The following RASSF8 variants were observed in gnomAD, a reference collection of about 807,000 sequenced individuals.
The protein encoded by RASSF8 is Ras association domain family member 8, also known as ras association domain-containing protein 8.
In RASSF8, 22 loss-of-function variants were observed where a neutral mutation model predicts 48.5. The observed-to-expected ratio is 0.45, with a 90% CI of 0.32 to 0.65. The LOEUF (loss-of-function observed/expected upper bound fraction) is 0.65, where lower values mean the gene tolerates loss of function less well. RASSF8 is among the 30% of genes least tolerant of loss of function. RASSF8 has a pLI of 0.03. For synonymous variants in RASSF8, 127 were observed against 171.5 expected (o/e 0.74, Z 2.03); for missense variants, 418 against 489.2 (o/e 0.85, Z 1.37).
intron 1 of RASSF8, among the ~76,000 whole-genome samples, chr12:25,963,822 A>C (rs542053964): frequency 5.3e-4 from 81 of 152,318 alleles, no homozygotes; most frequent in Non-Finnish European, 8.8e-5. Flanking sequence ...TGAGTAGTTT[A>C]TCTGGTCAGA....
At chr12:26,036,241 T>A (rs530473241) in intron 2 of RASSF8, among the ~76,000 whole-genome samples, 1 of 152,070 alleles carries the variant, frequency 6.6e-6, no homozygotes, top group Admixed American at 6.6e-5. Context: ...TTTTTGTGAA[T>A]CATATCTTTA....
Position 26,068,923 on chromosome 12 carries a change from TG to T in RASSF8, c.*106del. 1 of 1,464,714 alleles carries T rather than the reference TG, an allele frequency of 6.8e-7. No individual in the cohort carries two copies. Among genetic ancestry groups the T allele is most frequent in the Non-Finnish European group, 9.0e-7 (1 of 1,109,534 alleles). The allele number at this position is 1,464,714 out of a possible 1,614,324, so 90.7% of individuals were successfully genotyped here. A position where few individuals can be genotyped will look rare whatever the true frequency, so the allele number is the denominator to read the frequency against. ...ACAGAGGATCTATTCCACAAGACGC[TG>T]TATGTTTTTTCTCTCCTAAATTGCA... On this transcript the variant is annotated 3_prime_UTR_variant, in exon 6 of 6. Transcript: ENST00000689635.
intron 1 of RASSF8, among the ~76,000 whole-genome samples, chr12:25,964,599 A>G (rs891065205): frequency 6.6e-6 from 1 of 152,192 alleles, no homozygotes; most frequent in South Asian, 2.1e-4. Flanking sequence ...CTATTGGAAA[A>G]TCGCTTAAGA....
In RASSF8 at chr12:26,072,461, A is replaced by C; in HGVS notation, c.*3643A>C. 1.0e-6 allele frequency: 1 copy of C among 966,402 alleles called. No individual in the cohort carries two copies. Among genetic ancestry groups the C allele is most frequent in the Non-Finnish European group, 1.2e-6 (1 of 812,634 alleles). 59.9% of individuals were successfully genotyped at this position (966,402 alleles called of 1,614,324 possible). A position where few individuals can be genotyped will look rare whatever the true frequency, so the allele number is the denominator to read the frequency against. On this transcript the variant is annotated 3_prime_UTR_variant, in exon 6 of 6. Coordinates refer to ENST00000689635, the MANE Select transcript of RASSF8 (RefSeq NM_001394098.1). ...ATTTTTAGAAACCAAATAAATGCAG[A>C]AAACTATTTCGTATACTAATTATAT...
chr12:26,043,049 A>G (rs1943299225), intron 2 of RASSF8, among the ~76,000 whole-genome samples: 1 of 152,118 alleles, frequency 6.6e-6, no homozygotes, highest in African/African-American at 2.4e-5. Context: ...TAGTGCCTAT[A>G]TTATTCGACA....
intron 2 of RASSF8, among the ~76,000 whole-genome samples, chr12:26,030,127 A>G (rs1942997230): frequency 6.6e-6 from 1 of 152,150 alleles, no homozygotes. Context: ...CTCAAAGTTG[A>G]TTTCAGTTCA....
At chr12:26,040,793 G>T (rs893858590) in intron 2 of RASSF8, among the ~76,000 whole-genome samples, 4 of 152,134 alleles carry the variant, frequency 2.6e-5, no homozygotes, top group Admixed American at 2.0e-4. Context: ...ATTCATATAG[G>T]ACTAACATGA....
At chr12:26,003,693 T>G (rs1942316493) in intron 2 of RASSF8, among the ~76,000 whole-genome samples, 1 of 152,126 alleles carries the variant, frequency 6.6e-6, no homozygotes, top group Non-Finnish European at 1.5e-5. Context: ...GTGGTAGAAC[T>G]ATAGGAAAAT....
rs1382470871 is a variant in RASSF8 at position 26,069,041 on chromosome 12, G to C, written c.*223G>C. The C allele has an allele frequency of 8.2e-7, 1 of 1,216,882 alleles. No individual in the cohort carries two copies. The highest frequency in any genetic ancestry group is 1.6e-5 in the African/African-American group (1 of 64,386). The allele number at this position is 1,216,882 out of a possible 1,614,324, so 75.4% of individuals were successfully genotyped here. On this transcript the variant is annotated 3_prime_UTR_variant, in exon 6 of 6. Coordinates refer to ENST00000689635, the MANE Select transcript of RASSF8 (RefSeq NM_001394098.1). ...ACAGTGTTGATATTTTTGTCCAGCA[G>C]CTATAATGCAAAGCCTTCGTTTTTA...
chr12:25,976,268 C>T (rs1358977948), intron 1 of RASSF8, among the ~76,000 whole-genome samples: 4 of 152,314 alleles, frequency 2.6e-5, no homozygotes, highest in Non-Finnish European at 5.9e-5. Flanking sequence ...TCCATTTGAC[C>T]TTTTCTGTCT....
intron 1 of RASSF8, among the ~76,000 whole-genome samples, chr12:25,960,597 C>G (rs573179214): frequency 1.3e-5 from 2 of 152,156 alleles, no homozygotes; most frequent in Admixed American, 1.3e-4. Context: ...TTATTCTATT[C>G]AAGGATCAAG....
At chr12:25,998,874 A>C (rs1202145498) in intron 2 of RASSF8, among the ~76,000 whole-genome samples, 1 of 152,160 alleles carries the variant, frequency 6.6e-6, no homozygotes, top group East Asian at 1.9e-4. Flanking sequence ...AAAATCAGAA[A>C]TCAGTTTACC....
intron 2 of RASSF8, among the ~76,000 whole-genome samples, chr12:26,001,616 A>C (rs1237570079): frequency 6.6e-6 from 1 of 152,114 alleles, no homozygotes; most frequent in Non-Finnish European, 1.5e-5. Context: ...ATTTTAGCCT[A>C]GGTCTACACA....
chr12:26,043,314 A>T (rs1471139401), intron 2 of RASSF8, among the ~76,000 whole-genome samples: 1 of 152,148 alleles, frequency 6.6e-6, no homozygotes, highest in African/African-American at 2.4e-5. Context: ...CAGCTCAGAG[A>T]TGCTTGGGAG....
intron 1 of RASSF8, among the ~76,000 whole-genome samples, chr12:25,979,875 G>GGAGT (rs1941697813): frequency 6.6e-6 from 1 of 152,282 alleles, no homozygotes; most frequent in South Asian, 2.1e-4. Context: ...AGCAGCACAG[G>GGAGT]GAGTGTTTCA....
rs570017838 is a variant in RASSF8 at position 25,962,788 on chromosome 12, C to T, written c.-203+3640C>T. ...AATTTGCTTTTCATGATAGAAAAGCCAGACCCACACTTTTCTATATTCCTT... is the reference window on the plus strand; with the variant it reads ...AATTTGCTTTTCATGATAGAAAAGCTAGACCCACACTTTTCTATATTCCTT... On this transcript the variant is annotated intron_variant, in intron 1 of 5. Coordinates refer to ENST00000689635, the MANE Select transcript of RASSF8 (RefSeq NM_001394098.1). 5.9e-5 allele frequency among the ~76,000 whole-genome samples: 9 copies of T among 152,182 alleles called. No individual in the cohort carries two copies. In the South Asian group the frequency reaches 1.9e-3, roughly 32 times the overall value.
At position 25,997,465 on chromosome 12, in the gene RASSF8, A is replaced by ATG. The variant is rs1041276838; in HGVS notation, c.-109+2346_-109+2347dup. ...ATTTTATATTTTAAAGGGTGTGTGT[A>ATG]TGTGTGTGTGTGAGTGTATGTGTTT... On this transcript the variant is annotated intron_variant, in intron 2 of 5. Coordinates refer to ENST00000689635, the MANE Select transcript of RASSF8 (RefSeq NM_001394098.1). Among the ~76,000 whole-genome samples, 408 of 151,896 alleles carry ATG rather than the reference A, an allele frequency of 2.7e-3. 1 individual carries two copies. The highest frequency in any genetic ancestry group is 9.5e-3 in the African/African-American group (395 of 41,476).
At chr12:26,031,173 A>ACTCC (rs1243166952) in intron 2 of RASSF8, among the ~76,000 whole-genome samples, 1 of 151,000 alleles carries the variant, frequency 6.6e-6, no homozygotes, top group African/African-American at 2.4e-5. Context: ...TAACTTGTAG[A>ACTCC]CTCCCCCTGC....
At chr12:25,983,195 T>A (rs1941784637) in intron 1 of RASSF8, among the ~76,000 whole-genome samples, 1 of 151,294 alleles carries the variant, frequency 6.6e-6, no homozygotes, top group Non-Finnish European at 1.5e-5. Flanking sequence ...TTTAAAGAAA[T>A]GGAAAGGTTA....
Sources: gnomAD v4.1 joint callset for allele counts (sites outside exome capture counted in the v4.1 genomes callset) on GRCh38, gnomAD v4.1.1 for gene constraint, MANE v1.5 for transcripts, NCBI Gene and HGNC (gene_info 2026-07-23, HGNC 2026-07-21) for gene names.